Variants in PRIMA1 observed in about 807,000 individuals in gnomAD.
PRIMA1 encodes the protein proline rich membrane anchor 1, also known as proline-rich membrane anchor 1.
In PRIMA1, 7 loss-of-function variants were observed where a neutral mutation model predicts 17.5. That is an observed-to-expected ratio of 0.40 (90% CI 0.23 to 0.75). PRIMA1 has a LOEUF of 0.75. Ranked by LOEUF, PRIMA1 falls within the 30% of genes least tolerant of loss-of-function variation. PRIMA1 has a pLI of 0.37. For missense variants in PRIMA1, 200 were observed against 201.8 expected (o/e 0.99, Z 0.05); for synonymous variants, 97 against 77.9 (o/e 1.25, Z -1.29).
rs1566962645 is a variant in PRIMA1, at chr14:93,726,594, C to T, written c.360-5048G>A. Among the ~76,000 whole-genome samples the T allele has an allele frequency of 6.6e-6, 1 of 151,984 alleles. No individual in the cohort carries two copies. Among genetic ancestry groups the T allele is most frequent in the Non-Finnish European group, 1.5e-5 (1 of 67,984 alleles). On this transcript the variant is annotated intron_variant, in intron 4 of 4. Coordinates refer to ENST00000393140, the MANE Select transcript of PRIMA1 (RefSeq NM_178013.4). This position sits in a 1 kb window ranked among gnomAD's most constrained non-coding sequence, Gnocchi z 4.2. ...CACACTATACACATACACATGTACG[C>T]AAACACACACATATATAATATACAC...
At chr14:93,755,126 A>G (rs925524508) in intron 3 of PRIMA1, among the ~76,000 whole-genome samples, 10 of 152,162 alleles carry the variant, frequency 6.6e-5, no homozygotes, top group Admixed American at 5.2e-4. Context: ...TGGGGGAAAA[A>G]AACCCGAGGC....
intron 3 of PRIMA1, among the ~76,000 whole-genome samples, chr14:93,740,115 A>T (rs909915854): frequency 6.6e-6 from 1 of 152,178 alleles, no homozygotes; most frequent in Non-Finnish European, 1.5e-5. Flanking sequence ...ATGCTTCCTG[A>T]GAGATGGCTG....
At chr14:93,769,117 T>C (rs1884979164) in intron 3 of PRIMA1, among the ~76,000 whole-genome samples, 1 of 152,224 alleles carries the variant, frequency 6.6e-6, no homozygotes, top group Admixed American at 6.5e-5. Context: ...ATACCTGCAT[T>C]GTGCTTTGTA....
At chr14:93,767,575 G>T (rs1299524868) in intron 3 of PRIMA1, among the ~76,000 whole-genome samples, 1 of 152,216 alleles carries the variant, frequency 6.6e-6, no homozygotes, top group African/African-American at 2.4e-5. Flanking sequence ...CCGATGCTGG[G>T]AATCGCAGAA....
chr14:93,742,309 G>A (rs1276351892), intron 3 of PRIMA1, among the ~76,000 whole-genome samples: 1 of 152,208 alleles, frequency 6.6e-6, no homozygotes, highest in Non-Finnish European at 1.5e-5. Flanking sequence ...GCAGGGCCTG[G>A]CCAGCTCCAT....
At chr14:93,747,488 C>T (rs1380637376) in intron 3 of PRIMA1, among the ~76,000 whole-genome samples, 2 of 152,022 alleles carry the variant, frequency 1.3e-5, no homozygotes, top group East Asian at 3.9e-4. Context: ...CATCGTGGAG[C>T]CATATCTGGG....
rs749500034 is a variant in PRIMA1 at position 93,721,393 on chromosome 14, A to C, written c.*51T>G. The C allele has an allele frequency of 5.7e-6, 7 of 1,229,766 alleles. No homozygotes were observed. Among genetic ancestry groups the C allele is most frequent in the Non-Finnish European group, 8.4e-6 (7 of 835,436 alleles). 76.2% of individuals were successfully genotyped at this position (1,229,766 alleles called of 1,614,324 possible). A position where few individuals can be genotyped will look rare whatever the true frequency, so the allele number is the denominator to read the frequency against. On this transcript the variant is annotated 3_prime_UTR_variant, in exon 5 of 5. Transcript: ENST00000393140. ...CATGTCCACCTGCTTTCCCATGTCCACCAGTGCCACCAAGGTGTCCCTCTG... is the reference window on the plus strand; with the variant it reads ...CATGTCCACCTGCTTTCCCATGTCCCCCAGTGCCACCAAGGTGTCCCTCTG...
At chr14:93,758,343 TG>T (rs749133930) in intron 3 of PRIMA1, among the ~76,000 whole-genome samples, 3 of 152,104 alleles carry the variant, frequency 2.0e-5, no homozygotes, top group Non-Finnish European at 4.4e-5. Context: ...CCTAGCACTT[TG>T]GGAGGCCGAG....
intron 3 of PRIMA1, among the ~76,000 whole-genome samples, chr14:93,775,048 T>G (rs1194875819): frequency 6.6e-6 from 1 of 152,222 alleles, no homozygotes; most frequent in African/African-American, 2.4e-5. Flanking sequence ...CCTGCTGATG[T>G]GGATAAGTCC....
At chr14:93,766,158 T>G (rs747667085) in intron 3 of PRIMA1, among the ~76,000 whole-genome samples, 3 of 152,170 alleles carry the variant, frequency 2.0e-5, no homozygotes, top group Non-Finnish European at 2.9e-5. Context: ...CATCTACTCT[T>G]GACACTACGG....
chr14:93,736,462 C>G (rs561964576), intron 4 of PRIMA1, among the ~76,000 whole-genome samples: 2 of 152,364 alleles, frequency 1.3e-5, no homozygotes, highest in South Asian at 4.1e-4. Flanking sequence ...TTTTTGGAGA[C>G]TGCCCTGCAG....
intron 4 of PRIMA1, among the ~76,000 whole-genome samples, chr14:93,733,180 C>T (rs948121306): frequency 4.6e-5 from 7 of 152,210 alleles, no homozygotes; most frequent in Non-Finnish European, 8.8e-5. Flanking sequence ...ACACCCTCCC[C>T]GCCCAGTCCC....
intron 2 of PRIMA1, among the ~76,000 whole-genome samples, chr14:93,785,644 C>T (rs1885502112): frequency 1.3e-5 from 2 of 152,202 alleles, no homozygotes; most frequent in Admixed American, 6.5e-5. Flanking sequence ...TTCCTCTTCT[C>T]TCCTACGTTC....
intron 3 of PRIMA1, among the ~76,000 whole-genome samples, chr14:93,765,876 T>C (rs1884880630): frequency 1.3e-5 from 2 of 152,150 alleles, no homozygotes; most frequent in Non-Finnish European, 2.9e-5. Context: ...CAGCTGAAAG[T>C]TCTCTTCCCC....
intron 4 of PRIMA1, among the ~76,000 whole-genome samples, chr14:93,723,541 T>C (rs1236011425): frequency 6.6e-6 from 1 of 152,194 alleles, no homozygotes. Flanking sequence ...CCTTTTCTCC[T>C]GCAGCAGAAG....
At chr14:93,723,652 T>C (rs919437842) in intron 4 of PRIMA1, among the ~76,000 whole-genome samples, 16 of 152,072 alleles carry the variant, frequency 1.1e-4, no homozygotes, top group Non-Finnish European at 2.9e-5. Context: ...AAACCCACAA[T>C]TCCTCCCACA....
chr14:93,732,206 C>A (rs2141156625), intron 4 of PRIMA1, among the ~76,000 whole-genome samples: 1 of 152,330 alleles, frequency 6.6e-6, no homozygotes, highest in East Asian at 1.9e-4. Flanking sequence ...TGTCTCCGTG[C>A]AGGGGGTGGG....
In PRIMA1 at chr14:93,720,490, C is replaced by T. The variant is rs1380110533; in HGVS notation, c.*954G>A. 1 of 152,606 alleles carries T rather than the reference C, an allele frequency of 6.6e-6. No homozygotes were observed. The highest frequency in any genetic ancestry group is 6.5e-5 in the Admixed American group (1 of 15,282). The allele number at this position is 152,606 out of a possible 1,614,324, so 9.5% of individuals were successfully genotyped here. Reference sequence around the variant, plus strand: ...AGGACTCTGGGAGAGGGCCTGAGTACAACAGTCAGGCCTCAGGGGACTGTG... The same window carrying T: ...AGGACTCTGGGAGAGGGCCTGAGTATAACAGTCAGGCCTCAGGGGACTGTG... On this transcript the variant is annotated 3_prime_UTR_variant, in exon 5 of 5. Coordinates refer to ENST00000393140, the MANE Select transcript of PRIMA1 (RefSeq NM_178013.4).
At chr14:93,744,975 C>T (rs140782203) in intron 3 of PRIMA1, among the ~76,000 whole-genome samples, 242 of 151,840 alleles carry the variant, frequency 1.6e-3, no homozygotes, top group South Asian at 2.9e-3. Context: ...CTTGTGGGCA[C>T]TGTAGCCTAA....
Sources: gnomAD v4.1 joint callset for allele counts (sites outside exome capture counted in the v4.1 genomes callset) on GRCh38, gnomAD v4.1.1 for gene constraint, Gnocchi (gnomAD v3.1) non-coding constraint, MANE v1.5 for transcripts, NCBI Gene and HGNC (gene_info 2026-07-23, HGNC 2026-07-21) for gene names.